LMF1: variants seen among roughly 807,000 people sequenced by gnomAD.
The protein encoded by LMF1 is transmembrane protein 112.
Under a neutral mutation model 60.6 loss-of-function variants are expected in LMF1, and 68 were observed. The observed-to-expected ratio is 1.12, with a 90% confidence interval of 0.92 to 1.37. The LOEUF is 1.37. Among genes scored for constraint, LMF1 ranks in the 40% most tolerant of loss-of-function variants. LMF1 has a pLI of 0.00. For missense variants in LMF1, 948 were observed against 767.2 expected, an observed-to-expected ratio of 1.24 and a Z score of -2.78; for synonymous variants, 418 against 324.7, an observed-to-expected ratio of 1.29 and a Z score of -3.09.
chr16:966,544 C>A (rs1163574978), intron 1 of LMF1, among the ~76,000 whole-genome samples: 1 of 152,254 alleles, frequency 6.6e-6, no homozygotes, highest in Non-Finnish European at 1.5e-5. Context: ...CAGATCCCTT[C>A]CGAATTGTAA....
chr16:864,281 C>T (rs1057325062), intron 10 of LMF1, among the ~76,000 whole-genome samples: 4 of 152,120 alleles, frequency 2.6e-5, no homozygotes, highest in Non-Finnish European at 5.9e-5. Flanking sequence ...TTTTTTCTAT[C>T]CTTTTACTTT....
intron 1 of LMF1, among the ~76,000 whole-genome samples, chr16:956,883 G>A (rs944141843): frequency 2.0e-5 from 3 of 149,954 alleles, no homozygotes; most frequent in Non-Finnish European, 2.9e-5. Context: ...GGTCGGGCAC[G>A]GTGGCTCACG....
chr16:945,210 T>TAAAAAAAAAA (rs1478272185), intron 2 of LMF1, among the ~76,000 whole-genome samples: 1 of 45,318 alleles, frequency 2.2e-5, no homozygotes, highest in African/African-American at 2.3e-4. Flanking sequence ...AGACTCCATC[T>TAAAAAAAAAA]CAAAAAAAAA....
intron 4 of LMF1, among the ~76,000 whole-genome samples, chr16:904,207 G>C (rs2070907471): frequency 1.2e-5 from 1 of 84,692 alleles, no homozygotes; most frequent in Admixed American, 1.1e-4. Context: ...GGTGACCTCT[G>C]CATCGCCCAC....
chr16:917,462 T>C (rs2071313669), intron 3 of LMF1, among the ~76,000 whole-genome samples: 1 of 135,426 alleles, frequency 7.4e-6, no homozygotes, highest in African/African-American at 3.2e-5. Context: ...CGTGAAGAAA[T>C]GCCACACGTG....
intron 3 of LMF1, among the ~76,000 whole-genome samples, chr16:928,517 G>C (rs984093275): frequency 6.6e-6 from 1 of 152,138 alleles, no homozygotes; most frequent in African/African-American, 2.4e-5. Flanking sequence ...TGGGAAGGTG[G>C]AGACTTCCAG....
At chr16:957,492 T>C (rs1227134703) in intron 1 of LMF1, among the ~76,000 whole-genome samples, 1 of 151,996 alleles carries the variant, frequency 6.6e-6, no homozygotes, top group Non-Finnish European at 1.5e-5. Context: ...ATTGGAAAAA[T>C]CAAAATCATT....
chr16:949,223 A>T (rs2072359764), intron 2 of LMF1, among the ~76,000 whole-genome samples: 1 of 151,106 alleles, frequency 6.6e-6, no homozygotes, highest in African/African-American at 2.4e-5. Flanking sequence ...AGAGTCAGCC[A>T]ACAACAGAGT....
intron 10 of LMF1, among the ~76,000 whole-genome samples, chr16:857,328 A>G (rs956734150): frequency 1.3e-5 from 2 of 152,232 alleles, no homozygotes; most frequent in Middle Eastern, 3.2e-3. Context: ...TTGAGGAGCC[A>G]TTTTACCCTC....
At chr16:911,304 G>A (rs190906332) in intron 3 of LMF1, among the ~76,000 whole-genome samples, 2 of 152,236 alleles carry the variant, frequency 1.3e-5, no homozygotes, top group East Asian at 3.9e-4. Flanking sequence ...GGGACTTCCT[G>A]TGACCTCGGC....
upstream of LMF1, among the ~76,000 whole-genome samples, chr16:973,080 C>T (rs1373683757): frequency 2.0e-5 from 3 of 152,178 alleles, 1 homozygote; most frequent in South Asian, 4.1e-4. Flanking sequence ...AGGAGCCGGG[C>T]GCCTGTCATC....
intron 5 of LMF1, among the ~76,000 whole-genome samples, chr16:886,432 C>T (rs1177026174): frequency 1.3e-5 from 2 of 152,104 alleles, no homozygotes; most frequent in South Asian, 2.1e-4. Context: ...CAGTGGGCTG[C>T]TCTGCTGAGT....
chr16:896,246 C>T (rs1339239436), intron 4 of LMF1, among the ~76,000 whole-genome samples: 2 of 149,360 alleles, frequency 1.3e-5, no homozygotes, highest in African/African-American at 5.0e-5. Context: ...GCAGGCTGCA[C>T]GGTCCACACA....
chr16:866,876 C>A (rs2069623158), intron 10 of LMF1, among the ~76,000 whole-genome samples: 1 of 152,218 alleles, frequency 6.6e-6, no homozygotes, highest in African/African-American at 2.4e-5. Context: ...CGAAAGCAAG[C>A]CTAGGCGATC....
At chr16:970,652 C>A (rs2073023602) in intron 1 of LMF1, 136 bp downstream of exon 1, 4 of 806,578 alleles carry the variant, frequency 5.0e-6, no homozygotes, top group South Asian at 4.2e-5. Flanking sequence ...CCCGCCTTGC[C>A]CGGGCCCCAG....
rs7404969 is a variant in LMF1, at chr16:977,991, C to T, written c.-135+3154G>A. Among the ~76,000 whole-genome samples, 435 of 130,764 alleles carry T rather than the reference C, an allele frequency of 3.3e-3. 7 individuals are homozygous for T. Among genetic ancestry groups the T allele is most frequent in the Admixed American group, 5.2e-3 (68 of 13,190 alleles). The allele number at this position is 130,764 out of a possible 152,430, so 85.8% of individuals were successfully genotyped here. A position where few individuals can be genotyped will look rare whatever the true frequency, so the allele number is the denominator to read the frequency against. ...ACACACACCCCACCACACACATACACGCACACACACACACCACACACACAC... is the reference window on the plus strand; with the variant it reads ...ACACACACCCCACCACACACATACATGCACACACACACACCACACACACAC... On this transcript the variant is annotated intron_variant, in intron 1 of 6. Transcript: ENST00000570014.
chr16:939,204 G>C (rs973405956), intron 2 of LMF1, among the ~76,000 whole-genome samples: 4 of 152,076 alleles, frequency 2.6e-5, no homozygotes, highest in Non-Finnish European at 5.9e-5. Context: ...ACTCTCAGTG[G>C]TTTTTCGGAA....
At chr16:939,879 G>T (rs2072049013) in intron 2 of LMF1, among the ~76,000 whole-genome samples, 1 of 152,160 alleles carries the variant, frequency 6.6e-6, no homozygotes, top group Non-Finnish European at 1.5e-5. Context: ...CTAAAAGGAG[G>T]CCCCCAGAAA....
At position 870,728 on chromosome 16, in the gene LMF1, C is replaced by T. The variant is rs2069758714; in HGVS notation, c.1232+1G>A. ...GGGGGACGGGGACCCCAGGCTCATA[C>T]CTTCCGAAGGCCCCGTAAGTGTTGA... On this transcript the variant is annotated splice_donor_variant, in intron 8 of 10. Coordinates refer to ENST00000262301, the MANE Select transcript of LMF1 (RefSeq NM_022773.4). LOFTEE classifies it high-confidence loss of function. 1 of 1,612,646 alleles carries T rather than the reference C, an allele frequency of 6.2e-7. No individual in the cohort carries two copies. Among genetic ancestry groups the T allele is most frequent in the Non-Finnish European group, 8.5e-7 (1 of 1,179,766 alleles).
Sources: gnomAD v4.1 joint callset for allele counts (sites outside exome capture counted in the v4.1 genomes callset) on GRCh38, gnomAD v4.1.1 for gene constraint, MANE v1.5 for transcripts, NCBI Gene and HGNC (gene_info 2026-07-23, HGNC 2026-07-21) for gene names.